Variants in CNTLN observed in about 807,000 individuals in gnomAD.
CNTLN encodes centlein.
A neutral mutation model predicts 180.0 loss-of-function variants in CNTLN; 212 were observed. The observed-to-expected ratio is 1.18, with a 90% CI of 1.05 to 1.32. The LOEUF (loss-of-function observed/expected upper bound fraction) is 1.32, where lower values mean the gene tolerates loss of function less well. Ranked by LOEUF, CNTLN falls within the 40% of genes most tolerant of loss-of-function variation. The pLI, the probability that CNTLN is intolerant of heterozygous loss-of-function variation, is 0.00. For synonymous variants in CNTLN, 722 were observed against 563.1 expected (o/e 1.28, Z -3.99); for missense variants, 2,095 against 1,610.9 (o/e 1.30, Z -5.14).
At chr9:17,228,619 G>A (rs1824623683) in intron 3 of CNTLN, among the ~76,000 whole-genome samples, 1 of 151,988 alleles carries the variant, frequency 6.6e-6, no homozygotes, top group African/African-American at 2.4e-5. Flanking sequence ...ACACTACTTT[G>A]TTTCTATGAG....
intron 2 of CNTLN, among the ~76,000 whole-genome samples, chr9:17,198,386 CTTT>C (rs61209273): frequency 1.8e-5 from 2 of 109,750 alleles, no homozygotes; most frequent in African/African-American, 6.6e-5. Context: ...TCTTTTCTTT[CTTT>C]TTTTTTTTTT....
intron 24 of CNTLN, among the ~76,000 whole-genome samples, chr9:17,486,178 G>C (rs1023879895): frequency 1.3e-5 from 2 of 152,104 alleles, no homozygotes; most frequent in South Asian, 4.1e-4. Flanking sequence ...ATTTGCCCAA[G>C]CAGAGCCCAG....
Position 17,497,655 on chromosome 9 carries a change from C to A in CNTLN, c.4120-4896C>A, listed in dbSNP as rs183813441. On this transcript the variant is annotated intron_variant, in intron 25 of 25. Transcript: ENST00000380647. The stretch of plus-strand genomic sequence containing the variant: ...AGAGTTTGAAAGCAGCAGGCACAGC[C>A]TTCTCTGTCCATTTTTAGCAGAACT... 3.2e-3 allele frequency among the ~76,000 whole-genome samples: 490 copies of A among 152,278 alleles called. 3 individuals are homozygous for A. The highest frequency in any genetic ancestry group is 3.6e-3 in the Non-Finnish European group (247 of 68,008).
At chr9:17,389,384 G>C (rs1292806073) in intron 14 of CNTLN, among the ~76,000 whole-genome samples, 1 of 151,978 alleles carries the variant, frequency 6.6e-6, no homozygotes, top group East Asian at 1.9e-4. Context: ...GCCAGGTTTT[G>C]TATAATTTTT....
At chr9:17,490,771 A>T (rs1833119168) in intron 25 of CNTLN, among the ~76,000 whole-genome samples, 1 of 152,106 alleles carries the variant, frequency 6.6e-6, no homozygotes, top group African/African-American at 2.4e-5. Context: ...ATAATGGAAA[A>T]TATTACAAAA....
At chr9:17,327,879 G>A (rs1820407402) in intron 8 of CNTLN, among the ~76,000 whole-genome samples, 2 of 152,032 alleles carry the variant, frequency 1.3e-5, no homozygotes, top group South Asian at 4.2e-4. Context: ...CTTGAATTCA[G>A]GAGGCAGAGG....
chr9:17,274,847 A>G (rs1398382183), intron 6 of CNTLN, among the ~76,000 whole-genome samples: 1 of 152,078 alleles, frequency 6.6e-6, no homozygotes, highest in Non-Finnish European at 1.5e-5. Flanking sequence ...TAGGCAAAAT[A>G]CAGTTTTGTA....
chr9:17,344,986 A>G (rs928678927), intron 12 of CNTLN, among the ~76,000 whole-genome samples: 5 of 152,092 alleles, frequency 3.3e-5, no homozygotes, highest in African/African-American at 4.8e-5. Context: ...CATACAGGCT[A>G]TTTACTTTCT....
chr9:17,287,993 G>A (rs925906113), intron 6 of CNTLN, among the ~76,000 whole-genome samples: 1,569 of 137,686 alleles, frequency 0.011, 62 homozygotes, highest in African/African-American at 0.046. Context: ...AGGGTTTTTT[G>A]TGTCTCTGTT....
intron 2 of CNTLN, among the ~76,000 whole-genome samples, chr9:17,193,106 C>T (rs1191248776): frequency 6.6e-6 from 1 of 152,154 alleles, no homozygotes; most frequent in Non-Finnish European, 1.5e-5. Context: ...ATTCAGTTAT[C>T]TCACCGGCTC....
intron 6 of CNTLN, among the ~76,000 whole-genome samples, chr9:17,296,167 C>T (rs1817918481): frequency 6.6e-6 from 1 of 151,722 alleles, no homozygotes; most frequent in African/African-American, 2.4e-5. Flanking sequence ...CATGCCCAGC[C>T]AATTTTTGTA....
At chr9:17,278,244 G>T (rs1469848596) in intron 6 of CNTLN, among the ~76,000 whole-genome samples, 2 of 151,808 alleles carry the variant, frequency 1.3e-5, no homozygotes, top group African/African-American at 2.4e-5. Flanking sequence ...AGGCTAAGCA[G>T]AGTAGAGATG....
intron 15 of CNTLN, among the ~76,000 whole-genome samples, chr9:17,408,665 G>T (rs1053406970): frequency 1.3e-5 from 2 of 152,026 alleles, no homozygotes; most frequent in Non-Finnish European, 2.9e-5. Context: ...GTCAGGCGTG[G>T]TGATGGGCGC....
chr9:17,524,035 G>A, the CNTLN span, among the ~76,000 whole-genome samples: 1 of 152,164 alleles, frequency 6.6e-6, no homozygotes, highest in South Asian at 2.1e-4. Context: ...TCTAAAATGA[G>A]AAAGGTTCAA....
intron 18 of CNTLN, among the ~76,000 whole-genome samples, chr9:17,443,605 C>G (rs1272502608): frequency 6.6e-6 from 1 of 152,122 alleles, no homozygotes; most frequent in African/African-American, 2.4e-5. Flanking sequence ...GAGAGACGTT[C>G]ATAGCTTCAA....
Position 17,143,372 on chromosome 9 carries a change from G to T in CNTLN, c.445G>T (p.Glu149Ter). The change falls in exon 2 of 26, where the codon GAA (glutamate) becomes TAA (stop). Residue 149 changes from glutamate (E) to a stop codon, truncating the protein, a stop_gained. Transcript: ENST00000380647. LOFTEE classifies it high-confidence loss of function. ...DLTQVVSLVVEREKQKSEAKD... is the reference protein window; with the variant it reads ...DLTQVVSLVV Reference sequence around the variant, plus strand: ...CACACAAGTGGTCAGTTTGGTTGTGGAAAGGTGAGCTCTCAAATTATTTTT... The same window carrying T: ...CACACAAGTGGTCAGTTTGGTTGTGTAAAGGTGAGCTCTCAAATTATTTTT... The T allele has an allele frequency of 6.2e-7, 1 of 1,612,374 alleles. No individual in the cohort carries two copies. The highest frequency in any genetic ancestry group is 8.5e-7 in the Non-Finnish European group (1 of 1,178,750).
At chr9:17,276,711 A>G (rs1276904564) in intron 6 of CNTLN, among the ~76,000 whole-genome samples, 1 of 152,024 alleles carries the variant, frequency 6.6e-6, no homozygotes, top group African/African-American at 2.4e-5. Flanking sequence ...CAAGCCCTTG[A>G]TATAAAATGG....
chr9:17,513,769 A>T, the CNTLN span, among the ~76,000 whole-genome samples: 1 of 152,190 alleles, frequency 6.6e-6, no homozygotes, highest in African/African-American at 2.4e-5. Context: ...AAGAATTCAT[A>T]AAAGTGAAAT....
At chr9:17,190,749 T>C (rs1415428555) in intron 2 of CNTLN, among the ~76,000 whole-genome samples, 1 of 152,156 alleles carries the variant, frequency 6.6e-6, no homozygotes, top group East Asian at 1.9e-4. Context: ...AGTATGAGTC[T>C]GGTGAAATGC....
Sources: gnomAD v4.1 joint callset for allele counts (sites outside exome capture counted in the v4.1 genomes callset) on GRCh38, gnomAD v4.1.1 for gene constraint, MANE v1.5 for transcripts, NCBI Gene and HGNC (gene_info 2026-07-23, HGNC 2026-07-21) for gene names.